Variants in UBE2B observed in about 807,000 individuals in gnomAD.
The protein encoded by UBE2B is ubiquitin conjugating enzyme E2 B.
In UBE2B, 11 loss-of-function variants were observed where a neutral mutation model predicts 24.6. The observed-to-expected ratio is 0.45, with a 90% CI of 0.28 to 0.74. UBE2B has a LOEUF of 0.74. Ranked by LOEUF, UBE2B falls within the 30% of genes least tolerant of loss-of-function variation. UBE2B has a pLI of 0.13. For synonymous variants in UBE2B, 68 were observed against 62.4 expected, an observed-to-expected ratio of 1.09 and a Z score of -0.42; for missense variants, 78 against 185.6, an observed-to-expected ratio of 0.42 and a Z score of 3.37.
chr5:134,373,383 G>A (rs539996232), intron 1 of UBE2B, among the ~76,000 whole-genome samples: 1 of 151,812 alleles, frequency 6.6e-6, no homozygotes, highest in Non-Finnish European at 1.5e-5. Context: ...CATGTTTAGA[G>A]CAGCAAAATC....
At chr5:134,374,930 A>G (rs777471480) in intron 2 of UBE2B, among the ~76,000 whole-genome samples, 15 of 152,070 alleles carry the variant, frequency 9.9e-5, no homozygotes, top group Non-Finnish European at 2.1e-4. Flanking sequence ...CAGCCAGCAG[A>G]GCCAAGATCC....
At position 134,388,040 on chromosome 5, in the gene UBE2B, C is replaced by G. The variant is rs954563075; in HGVS notation, c.242-285C>G. 2.0e-5 allele frequency: 8 copies of G among 398,550 alleles called. No individual in the cohort carries two copies. The Admixed American group carries it at 2.6e-4, about 13-fold the overall frequency. 24.7% of individuals were successfully genotyped at this position (398,550 alleles called of 1,614,324 possible). A position where few individuals can be genotyped will look rare whatever the true frequency, so the allele number is the denominator to read the frequency against. ...CTGGTCTCAGACTCCTGACCTCAAG[C>G]AATCCTGCCTGCCTCGGCCTCCCAA... On this transcript the variant is annotated intron_variant, in intron 4 of 5. Coordinates refer to ENST00000265339, the MANE Select transcript of UBE2B (RefSeq NM_003337.4).
intron 3 of UBE2B, among the ~76,000 whole-genome samples, chr5:134,378,266 T>C (rs1251043797): frequency 6.6e-6 from 1 of 152,072 alleles, no homozygotes; most frequent in Non-Finnish European, 1.5e-5. Flanking sequence ...TGGGTTTTTT[T>C]TGTTTGTTTT....
At chr5:134,381,621 G>T (rs1758711330) in intron 4 of UBE2B, among the ~76,000 whole-genome samples, 1 of 152,024 alleles carries the variant, frequency 6.6e-6, no homozygotes, top group East Asian at 1.9e-4. Context: ...CAAATTTGAG[G>T]TCAAGTTGTT....
intron 4 of UBE2B, among the ~76,000 whole-genome samples, chr5:134,386,784 A>G (rs1449086866): frequency 1.3e-5 from 2 of 152,178 alleles, no homozygotes; most frequent in East Asian, 3.8e-4. Flanking sequence ...AAAATAGGAA[A>G]TTATAAATAA....
At chr5:134,376,348 A>AAAAATATATATATAT (rs1554114145) in intron 2 of UBE2B, among the ~76,000 whole-genome samples, 1 of 4,776 alleles carries the variant, frequency 2.1e-4, no homozygotes, top group African/African-American at 4.4e-4. Flanking sequence ...AAAAAAAAAA[A>AAAAATATATATATAT]ATATATATAT....
intron 4 of UBE2B, among the ~76,000 whole-genome samples, chr5:134,383,544 A>T (rs1315893509): frequency 7.6e-6 from 1 of 131,446 alleles, no homozygotes; most frequent in African/African-American, 3.0e-5. Flanking sequence ...GTGCAGTGGC[A>T]TGATCTCGGC....
chr5:134,382,327 C>T (rs146525138), intron 4 of UBE2B, among the ~76,000 whole-genome samples: 141 of 152,134 alleles, frequency 9.3e-4, no homozygotes, highest in African/African-American at 3.3e-3. Context: ...GTGGCGCACA[C>T]CTGTAGTCTC....
intron 3 of UBE2B, among the ~76,000 whole-genome samples, chr5:134,378,865 G>T (rs1758653421): frequency 6.7e-6 from 1 of 150,138 alleles, no homozygotes; most frequent in African/African-American, 2.5e-5. Context: ...GGAGGCAGAG[G>T]TTGCAGTGCG....
chr5:134,373,512 T>C (rs1758534096), intron 1 of UBE2B, among the ~76,000 whole-genome samples: 1 of 152,222 alleles, frequency 6.6e-6, no homozygotes, highest in South Asian at 2.1e-4. Context: ...CTTTAAGTTC[T>C]AGGGTACATG....
intron 3 of UBE2B, among the ~76,000 whole-genome samples, chr5:134,380,338 G>C (rs1333259911): frequency 1.3e-5 from 2 of 152,200 alleles, no homozygotes; most frequent in African/African-American, 4.8e-5. Context: ...CACCTCCTGG[G>C]AGGGTCCTTT....
rs35009649 is a variant in UBE2B at position 134,379,549 on chromosome 5, G to A, written c.152-1170G>A. ...TAATCTCAGCTACCCCAGAGGCTGA[G>A]GCAGGAGAATTGCTTGAACCCAGGA... On this transcript the variant is annotated intron_variant, in intron 3 of 5. Coordinates refer to ENST00000265339, the MANE Select transcript of UBE2B (RefSeq NM_003337.4). Among the ~76,000 whole-genome samples the A allele has an allele frequency of 4.5e-4, 69 of 151,760 alleles. 1 individual carries two copies. The highest frequency in any genetic ancestry group is 1.5e-3 in the African/African-American group (62 of 41,316).
chr5:134,379,646 C>CAAAA (rs1222816195), intron 3 of UBE2B, among the ~76,000 whole-genome samples: 2 of 75,224 alleles, frequency 2.7e-5, no homozygotes, highest in African/African-American at 4.2e-5. Flanking sequence ...TCTGTCTCAA[C>CAAAA]AAAAAAAAAA....
intron 1 of UBE2B, among the ~76,000 whole-genome samples, chr5:134,373,311 CTTT>C (rs767272568): frequency 1.4e-5 from 2 of 141,470 alleles, no homozygotes; most frequent in Admixed American, 7.0e-5. Context: ...CTGAGGTTTG[CTTT>C]TTTTTTTTTT....
At position 134,374,441 on chromosome 5, in the gene UBE2B, C is replaced by T; in HGVS notation, c.103C>T (p.Gln35Ter). The T allele has an allele frequency of 6.4e-7, 1 of 1,555,502 alleles. No individual in the cohort carries two copies. Among genetic ancestry groups the T allele is most frequent in the African/African-American group, 1.4e-5 (1 of 73,448 alleles). Residue 35 changes from glutamine to a stop codon, truncating the protein, a stop_gained, in exon 2 of 6, where the codon CAG becomes TAG. Coordinates refer to ENST00000265339, the MANE Select transcript of UBE2B (RefSeq NM_003337.4). LOFTEE classifies it high-confidence loss of function. ...CGCACCATCTGAAAACAACATCATG[C>T]AGTGGAATGCAGTTATATTTGGGTG... is the stretch of plus-strand genomic sequence containing the variant. ...SGAPSENNIM[Q>*]WNAVIFGPEG...
At position 134,390,108 on chromosome 5, in the gene UBE2B, T is replaced by C. The variant is rs1226238396; in HGVS notation, c.331-117T>C. 1.1e-5 allele frequency: 14 copies of C among 1,257,998 alleles called. No homozygotes were observed. Among genetic ancestry groups the C allele is most frequent in the Non-Finnish European group, 1.6e-5 (14 of 884,808 alleles). The allele number at this position is 1,257,998 out of a possible 1,614,324, so 77.9% of individuals were successfully genotyped here. ...TTAGACCCAAAATTATATGACATGT[T>C]AATCTCTGAAGTAATTTGTTGTTTT... On this transcript the variant is annotated intron_variant, in intron 5 of 5. Transcript: ENST00000265339. This position sits in a 1 kb window ranked among gnomAD's most constrained non-coding sequence, Gnocchi z 4.6.
chr5:134,371,629 G>C lies in UBE2B; in HGVS notation c.34G>C (p.Asp12His), dbSNP rs1758424398. ...CCCGGCCCGGAGGAGGCTCATGCGGGATTTCAAGCGGTAAGGGCCTTCACC... is the reference window on the plus strand; with the variant it reads ...CCCGGCCCGGAGGAGGCTCATGCGGCATTTCAAGCGGTAAGGGCCTTCACC... The part of the protein sequence containing the change: ...STPARRRLMR[D>H]FKRLQEDPPV... The change falls in exon 1 of 6, where the codon GAT becomes CAT. Residue 12 changes from aspartate to histidine, a missense_variant. This residue lies in a region of UBE2B where 21 missense variants were observed against 17.9 expected (regional missense o/e 1.17). Transcript: ENST00000265339. The C allele has an allele frequency of 1.2e-6, 2 of 1,613,278 alleles. No homozygotes were observed. Among genetic ancestry groups the C allele is most frequent in the African/African-American group, 1.3e-5 (1 of 74,866 alleles).
intron 4 of UBE2B, among the ~76,000 whole-genome samples, chr5:134,383,940 T>C (rs958341529): frequency 6.6e-6 from 1 of 152,224 alleles, no homozygotes; most frequent in African/African-American, 2.4e-5. Context: ...GGAATTGTTC[T>C]CATTTTCACT....
intron 4 of UBE2B, among the ~76,000 whole-genome samples, chr5:134,384,074 C>T (rs957701331): frequency 6.6e-6 from 1 of 152,096 alleles, no homozygotes; most frequent in Non-Finnish European, 1.5e-5. Context: ...TATAAATTAC[C>T]ATGTGAAAGA....
Sources: gnomAD v4.1 joint callset for allele counts (sites outside exome capture counted in the v4.1 genomes callset) on GRCh38, gnomAD v4.1.1 for gene constraint, gnomAD v4.1.1 regional missense constraint, Gnocchi (gnomAD v3.1) non-coding constraint, MANE v1.5 for transcripts, NCBI Gene and HGNC (gene_info 2026-07-23, HGNC 2026-07-21) for gene names.